Variants in MYO10 observed in about 807,000 individuals in gnomAD.
MYO10 encodes unconventional myosin-X.
Under a neutral mutation model 257.3 loss-of-function variants are expected in MYO10, and 133 were observed. The ratio of observed to expected loss-of-function variants is 0.52; its 90% CI spans 0.45 to 0.60. MYO10 has a LOEUF of 0.60. Ranked by LOEUF, MYO10 falls within the 20% of genes least tolerant of loss-of-function variation. MYO10 has a pLI of 0.00. For missense variants in MYO10, 2,399 were observed against 2,635.7 expected (o/e 0.91, Z 1.97); for synonymous variants, 1,104 against 1,028.6 (o/e 1.07, Z -1.40).
intron 2 of MYO10, among the ~76,000 whole-genome samples, chr5:16,869,071 G>A (rs752785438): frequency 3.3e-5 from 5 of 152,004 alleles, no homozygotes; most frequent in Non-Finnish European, 7.4e-5. Flanking sequence ...GTCGCCCAGC[G>A]TGGAGTGCAG....
chr5:16,699,619 G>C, intron 25 of MYO10, 46 bp from the exon 26 acceptor site: 1 of 1,609,944 alleles, frequency 6.2e-7, no homozygotes, highest in Non-Finnish European at 8.5e-7. Flanking sequence ...AGGCCACAAA[G>C]CAAGCCACGA....
intron 24 of MYO10, 81 bp downstream of exon 24, chr5:16,702,462 G>T: frequency 7.8e-7 from 1 of 1,289,116 alleles, no homozygotes. Flanking sequence ...CTTTAATTCA[G>T]TTTTGAATCC....
At chr5:16,872,843 T>C (rs931143183) in intron 2 of MYO10, among the ~76,000 whole-genome samples, 1 of 152,152 alleles carries the variant, frequency 6.6e-6, no homozygotes, top group African/African-American at 2.4e-5. Context: ...ACAAGAATAG[T>C]ACAGGAAAGA....
At chr5:16,699,375 C>T (rs1028646863) in intron 26 of MYO10, 75 bp downstream of exon 26, 20 of 1,536,088 alleles carry the variant, frequency 1.3e-5, no homozygotes, top group East Asian at 2.3e-5. Context: ...TATTTCCCAC[C>T]GCCATCCATC....
intron 2 of MYO10, among the ~76,000 whole-genome samples, chr5:16,829,525 C>T (rs971623369): frequency 1.3e-5 from 2 of 152,176 alleles, no homozygotes; most frequent in African/African-American, 2.4e-5. Context: ...ACACAAATCG[C>T]GCACCCCCAA....
At chr5:16,785,064 C>T (rs572644106) in intron 4 of MYO10, among the ~76,000 whole-genome samples, 2 of 152,324 alleles carry the variant, frequency 1.3e-5, no homozygotes, top group African/African-American at 2.4e-5. Context: ...AAAGATCTGA[C>T]GATCTAAACC....
intron 33 of MYO10, among the ~76,000 whole-genome samples, chr5:16,678,045 G>A (rs929260568): frequency 3.9e-5 from 6 of 152,148 alleles, no homozygotes; most frequent in African/African-American, 1.2e-4. Flanking sequence ...ACAGGCATGA[G>A]CCACCATGCC....
At chr5:16,726,614 C>T (rs189245517) in intron 19 of MYO10, among the ~76,000 whole-genome samples, 3 of 152,284 alleles carry the variant, frequency 2.0e-5, no homozygotes, top group Non-Finnish European at 4.4e-5. Context: ...GCGGCTCTTC[C>T]TGAAAGGTGC....
chr5:16,918,881 C>T (rs915406210), intron 1 of MYO10, among the ~76,000 whole-genome samples: 1 of 152,158 alleles, frequency 6.6e-6, no homozygotes, highest in Admixed American at 6.6e-5. Context: ...TGTGCAGTTG[C>T]TGTCATCACA....
chr5:16,849,613 A>C (rs550791423), intron 2 of MYO10, among the ~76,000 whole-genome samples: 113 of 152,220 alleles, frequency 7.4e-4, no homozygotes, highest in Admixed American at 1.2e-3. Context: ...ACCAAATCCT[A>C]GCTGCATGAT....
At chr5:16,817,743 C>T (rs148081578) in intron 3 of MYO10, among the ~76,000 whole-genome samples, 3 of 152,272 alleles carry the variant, frequency 2.0e-5, no homozygotes, top group East Asian at 3.9e-4. Flanking sequence ...CACAACACAG[C>T]GTATTCACAA....
At chr5:16,813,396 G>C (rs924120461) in intron 3 of MYO10, among the ~76,000 whole-genome samples, 2 of 151,832 alleles carry the variant, frequency 1.3e-5, no homozygotes, top group Admixed American at 1.3e-4. Flanking sequence ...CAAGTGCAGT[G>C]GCTCACACCT....
chr5:16,759,183 A>G (rs748188474), intron 17 of MYO10, among the ~76,000 whole-genome samples: 1 of 152,136 alleles, frequency 6.6e-6, no homozygotes, highest in Non-Finnish European at 1.5e-5. Flanking sequence ...TCGGCCTCCC[A>G]AAGTGTTAGG....
chr5:16,682,932 T>C lies in MYO10; in HGVS notation c.4047-919A>G, dbSNP rs766633527. Among the ~76,000 whole-genome samples the C allele has an allele frequency of 5.3e-5, 8 of 152,156 alleles. No individual in the cohort carries two copies. In the South Asian group the frequency reaches 8.3e-4, roughly 16 times the overall value. ...TGCCCAGCCTGGAGGAGTGAAGGGC[T>C]TGGGAGAGTAAAGATGTGGAGAAGG... On this transcript the variant is annotated intron_variant, in intron 30 of 40. Coordinates refer to ENST00000513610, the MANE Select transcript of MYO10 (RefSeq NM_012334.3).
At chr5:16,796,495 G>GAAAT (rs1479896430) in intron 3 of MYO10, among the ~76,000 whole-genome samples, 1 of 151,000 alleles carries the variant, frequency 6.6e-6, no homozygotes, top group African/African-American at 2.4e-5. Flanking sequence ...AAGAAAGAAA[G>GAAAT]AAGGAAAATA....
intron 2 of MYO10, among the ~76,000 whole-genome samples, chr5:16,824,280 T>C (rs1366233): frequency 0.54 from 81,365 of 151,790 alleles, 22,039 homozygotes; most frequent in Middle Eastern, 0.6. Flanking sequence ...TCTCCTAGAG[T>C]AGAGGTTCTC....
At chr5:16,724,254 T>C (rs1231807333) in intron 19 of MYO10, among the ~76,000 whole-genome samples, 1 of 152,158 alleles carries the variant, frequency 6.6e-6, no homozygotes, top group African/African-American at 2.4e-5. Flanking sequence ...GTTGATAAAG[T>C]TGTTTTCCCC....
At chr5:16,870,701 C>T (rs377541874) in intron 2 of MYO10, among the ~76,000 whole-genome samples, 4 of 151,828 alleles carry the variant, frequency 2.6e-5, no homozygotes, top group East Asian at 1.9e-4. Context: ...GAGACCAGCC[C>T]GACCAACATG....
intron 19 of MYO10, among the ~76,000 whole-genome samples, chr5:16,732,245 A>G (rs981255173): frequency 5.9e-5 from 9 of 152,080 alleles, no homozygotes; most frequent in African/African-American, 2.2e-4. Flanking sequence ...GGCAGGAGGG[A>G]AGGAAGGAGG....
Sources: allele counts gnomAD v4.1 joint callset (sites outside exome capture counted in the v4.1 genomes callset), GRCh38; gene constraint gnomAD v4.1.1; transcripts MANE v1.5; gene names NCBI Gene and HGNC (gene_info 2026-07-23, HGNC 2026-07-21).